The following LOXL4 variants were observed in gnomAD, a reference collection of about 807,000 sequenced individuals.
LOXL4 encodes the protein lysyl oxidase homolog 4.
A neutral mutation model predicts 89.1 loss-of-function variants in LOXL4; 72 were observed. The observed-to-expected ratio is 0.81, with a 90% CI of 0.67 to 0.98. The LOEUF (loss-of-function observed/expected upper bound fraction) is 0.98. Among genes scored for constraint, LOXL4 ranks in the 50% least tolerant of loss-of-function variants. The probability of loss-of-function intolerance (pLI) is 0.00; values close to 1 mark genes in which losing one functional copy is unlikely to be tolerated. For missense variants in LOXL4, 984 were observed against 1,017.5 expected, an observed-to-expected ratio of 0.97 and a Z score of 0.45; for synonymous variants, 355 against 392.1, an observed-to-expected ratio of 0.91 and a Z score of 1.12.
chr10:98,252,214 C>T (rs1858212705), intron 12 of LOXL4, 139 bp downstream of exon 12: 2 of 666,748 alleles, frequency 3.0e-6, no homozygotes, highest in Non-Finnish European at 5.3e-6. Context: ...TAAGAAATTG[C>T]CTTGAATGCT....
At chr10:98,262,678 G>A (rs1858578604) in intron 2 of LOXL4, 65 bp downstream of exon 2, 1 of 1,559,324 alleles carries the variant, frequency 6.4e-7, no homozygotes, top group Non-Finnish European at 8.7e-7. Flanking sequence ...GGGTGTCAGT[G>A]AGCCCAGCCC....
Position 98,253,721 on chromosome 10 carries a change from A to AG in LOXL4, c.1666dup (p.Leu556ProfsTer40). On this transcript the variant is annotated frameshift_variant, in exon 11 of 15. Coordinates refer to ENST00000260702, the MANE Select transcript of LOXL4 (RefSeq NM_032211.7). LOFTEE classifies it high-confidence loss of function. The stretch of plus-strand genomic sequence containing the variant: ...GCAGTTCTCCTCGTGGGCACAATAC[A>AG]GCTGGCTGAGCGGGCGGTCCTCCAA... 6.2e-7 allele frequency: 1 copy of AG among 1,614,238 alleles called. No individual in the cohort carries two copies. Among genetic ancestry groups the AG allele is most frequent in the Non-Finnish European group, 8.5e-7 (1 of 1,180,036 alleles).
At chr10:98,251,464 GA>G (rs757651289) in intron 13 of LOXL4, 101 bp downstream of exon 13, 1 of 1,510,294 alleles carries the variant, frequency 6.6e-7, no homozygotes, top group Non-Finnish European at 9.0e-7. Flanking sequence ...AGGCCTGTCG[GA>G]AACCCTGTAT....
At chr10:98,257,629 C>T (rs931175606) in intron 8 of LOXL4, 21 bp downstream of exon 8, 12 of 1,608,574 alleles carry the variant, frequency 7.5e-6, no homozygotes, top group South Asian at 1.1e-5. Context: ...AGCCTGAGGC[C>T]ATGCTCAGAC....
intron 14 of LOXL4, among the ~76,000 whole-genome samples, chr10:98,249,294 ACT>A (rs1489245550): frequency 1.3e-5 from 2 of 152,024 alleles, no homozygotes; most frequent in African/African-American, 4.8e-5. Flanking sequence ...CGATTACATC[ACT>A]CTGGCTCCTT....
intron 1 of LOXL4, among the ~76,000 whole-genome samples, chr10:98,266,051 T>C (rs1045149782): frequency 6.6e-6 from 1 of 152,170 alleles, no homozygotes; most frequent in African/African-American, 2.4e-5. Flanking sequence ...GGCTGTCCCA[T>C]GAGCAGAGTG....
At chr10:98,255,024 T>A (rs1386431983) in intron 10 of LOXL4, among the ~76,000 whole-genome samples, 1 of 152,230 alleles carries the variant, frequency 6.6e-6, no homozygotes, top group Non-Finnish European at 1.5e-5. Flanking sequence ...ATGTCAGAGA[T>A]GCTGCTGCCC....
Position 98,252,481 on chromosome 10 carries a change from T to C in LOXL4, c.1836-13A>G, listed in dbSNP as rs777477009. On this transcript the variant is annotated splice_polypyrimidine_tract_variant and intron_variant, in intron 11 of 14. Coordinates refer to ENST00000260702, the MANE Select transcript of LOXL4 (RefSeq NM_032211.7). ...GCTGTGGTAATGCCTGCAGAAGGGGTAGAGCTGTCAGTGCGGCAGCAACAG... is the reference window on the plus strand; with the variant it reads ...GCTGTGGTAATGCCTGCAGAAGGGGCAGAGCTGTCAGTGCGGCAGCAACAG... The C allele has an allele frequency of 6.3e-7, 1 of 1,584,196 alleles. No homozygotes were observed. Among genetic ancestry groups the C allele is most frequent in the South Asian group, 1.1e-5 (1 of 90,340 alleles).
At chr10:98,263,461 G>T (rs1230180399) in intron 1 of LOXL4, among the ~76,000 whole-genome samples, 1 of 151,178 alleles carries the variant, frequency 6.6e-6, no homozygotes, top group Non-Finnish European at 1.5e-5. Context: ...CAGACGAGGT[G>T]GTCCACCATT....
At position 98,258,098 on chromosome 10, in the gene LOXL4, G is replaced by A. The variant is rs553759704; in HGVS notation, c.988C>T (p.Arg330Cys). 1.9e-5 allele frequency: 31 copies of A among 1,613,568 alleles called. No homozygotes were observed. Among genetic ancestry groups the A allele is most frequent in the African/African-American group, 8.0e-5 (6 of 75,062 alleles). ...TGGTCACAGACCGTGCCCCACTGGCGGTTCATGAGCACTTCCACCCGGCCC... is the reference window on the plus strand; with the variant it reads ...TGGTCACAGACCGTGCCCCACTGGCAGTTCATGAGCACTTCCACCCGGCCC... ...GEGRVEVLMN[R>C]QWGTVCDHRW... The change falls in exon 7 of 15, where the codon CGC becomes TGC. Residue 330 changes from arginine (R) to cysteine (C), a missense_variant. Transcript: ENST00000260702.
chr10:98,263,455 C>T (rs1858602566), intron 1 of LOXL4, among the ~76,000 whole-genome samples: 1 of 151,730 alleles, frequency 6.6e-6, no homozygotes, highest in African/African-American at 2.4e-5. Flanking sequence ...TGTAGGCAGA[C>T]GAGGTGGTCC....
At chr10:98,254,983 T>C (rs1308747772) in intron 10 of LOXL4, among the ~76,000 whole-genome samples, 2 of 152,234 alleles carry the variant, frequency 1.3e-5, no homozygotes, top group Admixed American at 6.5e-5. Context: ...GGGCTGGATA[T>C]AGTCCATCTT....
intron 1 of LOXL4, among the ~76,000 whole-genome samples, chr10:98,264,470 A>G (rs1005528705): frequency 6.6e-6 from 1 of 151,532 alleles, no homozygotes. Flanking sequence ...GGGGCCAATG[A>G]TCAAGGGCCA....
intron 10 of LOXL4, among the ~76,000 whole-genome samples, 181 bp downstream of exon 10, chr10:98,255,396 G>A (rs141332000): frequency 0.011 from 1,680 of 152,280 alleles, 11 homozygotes; most frequent in Non-Finnish European, 0.017. Context: ...AACTCCGTGA[G>A]GGGGCAGGGT....
At chr10:98,264,801 CAG>C (rs1478351319) in intron 1 of LOXL4, among the ~76,000 whole-genome samples, 4 of 152,200 alleles carry the variant, frequency 2.6e-5, no homozygotes, top group African/African-American at 9.6e-5. Flanking sequence ...CGACCTGGAA[CAG>C]GGGATGGAGA....
chr10:98,260,863 ACT>A, intron 4 of LOXL4, 57 bp downstream of exon 4: 1 of 1,521,772 alleles, frequency 6.6e-7, no homozygotes, highest in Non-Finnish European at 8.9e-7. Flanking sequence ...ATGAACACAC[ACT>A]CAGTCCCTGC....
chr10:98,266,391 G>T (rs528640792), intron 1 of LOXL4, among the ~76,000 whole-genome samples: 2 of 152,288 alleles, frequency 1.3e-5, no homozygotes, highest in East Asian at 3.9e-4. Context: ...CTCTGATGGG[G>T]CCCAGGGTAG....
rs1428148891 is a variant in LOXL4, at chr10:98,248,973, T to C, written c.2219A>G (p.Asn740Ser). ...TTCCTGCTCCAGGGAGAGTTCTGCATTGGCTGGGTATGAATTCCCTGTGGG... is the reference window on the plus strand; with the variant it reads ...TTCCTGCTCCAGGGAGAGTTCTGCACTGGCTGGGTATGAATTCCCTGTGGG... ...NCHTGNSYPA[N>S]AELSLEQEQR... The change falls in exon 15 of 15, where the codon AAT becomes AGT. Residue 740 changes from asparagine to serine, a missense_variant. Transcript: ENST00000260702. The C allele has an allele frequency of 1.2e-6, 2 of 1,613,964 alleles. No individual in the cohort carries two copies. The highest frequency in any genetic ancestry group is 1.7e-6 in the Non-Finnish European group (2 of 1,179,956).
chr10:98,248,701 T>G lies in LOXL4; in HGVS notation c.*220A>C. The stretch of plus-strand genomic sequence containing the variant: ...GCTGAGCAAAGCCTGGAGGACATAT[T>G]CCATAGGCCACAGGCCCTTAGGGGC... On this transcript the variant is annotated 3_prime_UTR_variant, in exon 15 of 15. Coordinates refer to ENST00000260702, the MANE Select transcript of LOXL4 (RefSeq NM_032211.7). 1 of 518,850 alleles carries G rather than the reference T, an allele frequency of 1.9e-6. No individual in the cohort carries two copies. The highest frequency in any genetic ancestry group is 2.6e-5 in the South Asian group (1 of 38,170). 32.1% of individuals were successfully genotyped at this position (518,850 alleles called of 1,614,324 possible). A position where few individuals can be genotyped will look rare whatever the true frequency, so the allele number is the denominator to read the frequency against.
Sources: allele counts gnomAD v4.1 joint callset (sites outside exome capture counted in the v4.1 genomes callset), GRCh38; gene constraint gnomAD v4.1.1; transcripts MANE v1.5; gene names NCBI Gene and HGNC (gene_info 2026-07-23, HGNC 2026-07-21).